CACNB4: variants seen among roughly 807,000 people sequenced by gnomAD.
The protein encoded by CACNB4 is calcium voltage-gated channel auxiliary subunit beta 4.
Under a neutral mutation model 71.2 loss-of-function variants are expected in CACNB4, and 32 were observed. The observed-to-expected ratio is 0.45, with a 90% CI of 0.34 to 0.60. The LOEUF (loss-of-function observed/expected upper bound fraction) is 0.60, where lower values mean the gene tolerates loss of function less well. Ranked by LOEUF, CACNB4 falls within the 20% of genes least tolerant of loss-of-function variation. The pLI is 0.01. For synonymous variants in CACNB4, 231 were observed against 236.9 expected (o/e 0.97, Z 0.23); for missense variants, 464 against 647.9 (o/e 0.72, Z 3.08).
intron 2 of CACNB4, among the ~76,000 whole-genome samples, chr2:151,987,182 C>T (rs1048653209): frequency 1.4e-4 from 21 of 152,180 alleles, no homozygotes; most frequent in Non-Finnish European, 1.2e-4. Flanking sequence ...AGACAACCTC[C>T]GCAACATATG....
chr2:152,091,864 AC>A (rs1225383087), intron 2 of CACNB4, among the ~76,000 whole-genome samples: 1 of 152,244 alleles, frequency 6.6e-6, no homozygotes, highest in African/African-American at 2.4e-5. Context: ...AACCAAGCAA[AC>A]AAAAATTCCA....
At chr2:151,966,634 T>G (rs16830513) in intron 2 of CACNB4, among the ~76,000 whole-genome samples, 1 of 152,000 alleles carries the variant, frequency 6.6e-6, no homozygotes, top group Non-Finnish European at 1.5e-5. Context: ...CAAAATACAA[T>G]GAACTAATCA....
intron 2 of CACNB4, among the ~76,000 whole-genome samples, chr2:151,945,924 TA>T (rs2099865472): frequency 6.6e-6 from 1 of 151,140 alleles, no homozygotes; most frequent in African/African-American, 2.4e-5. Flanking sequence ...CGTGTGTGTA[TA>T]TACAAAGAAG....
chr2:151,886,816 T>TTTTGG (rs2099849469), intron 2 of CACNB4, among the ~76,000 whole-genome samples: 1 of 152,208 alleles, frequency 6.6e-6, no homozygotes, highest in Admixed American at 6.5e-5. Context: ...TTTTATTTAT[T>TTTTGG]TTTGGTTTGG....
intron 2 of CACNB4, among the ~76,000 whole-genome samples, chr2:152,006,263 T>G (rs1682717638): frequency 1.3e-5 from 2 of 152,200 alleles, no homozygotes; most frequent in African/African-American, 4.8e-5. Flanking sequence ...TGTGCTCTAT[T>G]CAGCTTGCCA....
intron 2 of CACNB4, among the ~76,000 whole-genome samples, chr2:151,948,045 A>G (rs929602368): frequency 6.6e-6 from 1 of 152,214 alleles, no homozygotes. Context: ...TTTGGCATGC[A>G]TAAGGCAATG....
chr2:151,946,301 C>T (rs566514519), intron 2 of CACNB4, among the ~76,000 whole-genome samples: 3 of 151,504 alleles, frequency 2.0e-5, no homozygotes, highest in African/African-American at 7.3e-5. Context: ...TGCACTCCAG[C>T]CCGGGCAACA....
intron 2 of CACNB4, among the ~76,000 whole-genome samples, chr2:151,978,319 CT>C (rs1182091935): frequency 4.6e-5 from 7 of 152,130 alleles, no homozygotes; most frequent in Admixed American, 4.6e-4. Context: ...AAGAATTGGC[CT>C]TTTTAATTTT....
At chr2:151,942,263 C>T (rs562063943) in intron 2 of CACNB4, among the ~76,000 whole-genome samples, 1 of 149,058 alleles carries the variant, frequency 6.7e-6, no homozygotes, top group African/African-American at 2.6e-5. Context: ...TGGCTGGAGC[C>T]GTGGCAGAGG....
intron 2 of CACNB4, among the ~76,000 whole-genome samples, chr2:151,903,668 T>C (rs2099854042): frequency 6.6e-6 from 1 of 152,234 alleles, no homozygotes; most frequent in Non-Finnish European, 1.5e-5. Flanking sequence ...CTCACACTTT[T>C]CCAAACATAT....
chr2:152,079,076 GTGT>G (rs760692900), intron 2 of CACNB4, among the ~76,000 whole-genome samples: 21 of 151,770 alleles, frequency 1.4e-4, no homozygotes, highest in Non-Finnish European at 2.7e-4. Flanking sequence ...AACCTGTGTT[GTGT>G]TGTTGTTGTT....
chr2:152,038,521 A>G (rs1349645851), intron 2 of CACNB4, among the ~76,000 whole-genome samples: 1 of 152,176 alleles, frequency 6.6e-6, no homozygotes, highest in African/African-American at 2.4e-5. Flanking sequence ...TGGCTGGGAG[A>G]TGGAAGAGGA....
chr2:152,039,929 C>T (rs1171044324), intron 2 of CACNB4, among the ~76,000 whole-genome samples: 1 of 152,150 alleles, frequency 6.6e-6, no homozygotes, highest in African/African-American at 2.4e-5. Flanking sequence ...CTTGTGTACA[C>T]CGAAGACATA....
chr2:151,868,199 T>C (rs1192346727), intron 9 of CACNB4: 1 of 152,218 alleles, frequency 6.6e-6, no homozygotes, highest in African/African-American at 2.4e-5. Flanking sequence ...TTTTTTACAT[T>C]TTAAAATTAT....
At chr2:152,045,043 G>C (rs375365671) in intron 2 of CACNB4, among the ~76,000 whole-genome samples, 94 of 152,172 alleles carry the variant, frequency 6.2e-4, no homozygotes, top group African/African-American at 2.1e-3. Context: ...GATGATATTG[G>C]TCTGGCTTAC....
chr2:151,842,401 G>A (rs2099836453), intron 12 of CACNB4, among the ~76,000 whole-genome samples: 2 of 144,082 alleles, frequency 1.4e-5, no homozygotes, highest in South Asian at 4.4e-4. Context: ...CACGATCTCG[G>A]CTCAATGCAA....
At chr2:152,043,548 G>C (rs7558695) in intron 2 of CACNB4, among the ~76,000 whole-genome samples, 9,466 of 152,086 alleles carry the variant, frequency 0.062, 973 homozygotes, top group African/African-American at 0.22. Flanking sequence ...TCAAACTCCT[G>C]GTCTCAAATG....
At chr2:152,039,944 G>T (rs531244070) in intron 2 of CACNB4, among the ~76,000 whole-genome samples, 5 of 152,324 alleles carry the variant, frequency 3.3e-5, no homozygotes, top group African/African-American at 1.2e-4. Context: ...GACATAATTT[G>T]TTGACAAAGA....
intron 2 of CACNB4, among the ~76,000 whole-genome samples, chr2:152,089,651 G>A (rs1263723064): frequency 6.6e-6 from 1 of 152,178 alleles, no homozygotes; most frequent in African/African-American, 2.4e-5. Flanking sequence ...AGCATGCAAA[G>A]CCAAGCGCAG....
Sources: allele counts gnomAD v4.1 joint callset (sites outside exome capture counted in the v4.1 genomes callset), GRCh38; gene constraint gnomAD v4.1.1; transcripts MANE v1.5; gene names NCBI Gene and HGNC (gene_info 2026-07-23, HGNC 2026-07-21).